MYH7B: variants seen among roughly 807,000 people sequenced by gnomAD.
MYH7B encodes myosin-7B.
MYH7B carries 205 observed loss-of-function variants against 234.5 expected under a neutral mutation model. That is an observed-to-expected ratio of 0.87 (90% CI 0.78 to 0.98). The LOEUF (loss-of-function observed/expected upper bound fraction) is 0.98, where lower values mean the gene tolerates loss of function less well. Ranked by LOEUF, MYH7B falls within the 50% of genes least tolerant of loss-of-function variation. The pLI, the probability that MYH7B is intolerant of heterozygous loss-of-function variation, is 0.00. For missense variants in MYH7B, 2,652 were observed against 2,633.4 expected (o/e 1.01, Z -0.15); for synonymous variants, 1,193 against 1,105.0 (o/e 1.08, Z -1.58).
At chr20:34,987,822 C>G in exon 18 of MYH7B, 3 of 1,614,030 alleles carry the variant, frequency 1.9e-6, no homozygotes, top group South Asian at 2.2e-5. Context: ...GTTCAGGTGG[C>G]TGGTGTCTCG....
chr20:34,984,336 G>A (rs959534330), intron 10 of MYH7B, among the ~76,000 whole-genome samples: 2 of 152,156 alleles, frequency 1.3e-5, no homozygotes, highest in Non-Finnish European at 2.9e-5. Flanking sequence ...AGAGGAGGGG[G>A]CACTTGGGCT....
chr20:34,999,753 C>A (rs749277229), intron 37 of MYH7B, 38 bp from the exon 38 acceptor site: 10 of 1,010,346 alleles, frequency 9.9e-6, no homozygotes, highest in African/African-American at 6.7e-5. Context: ...CTGGCCATCC[C>A]CCCCCCCCAC....
At position 34,999,600 on chromosome 20, in the gene MYH7B, AG is replaced by A; in HGVS notation, c.4571del (p.Ser1524IlefsTer70). ...GATCAGCGACCTCACAGACCAGGTG[AG>A]TCTCAGTGGGAAGAGCATCCAGGAA... On this transcript the variant is annotated frameshift_variant, in exon 37 of 45. Coordinates refer to ENST00000262873, the Ensembl canonical transcript of MYH7B. LOFTEE classifies it high-confidence loss of function. 6.2e-7 allele frequency: 1 copy of A among 1,612,932 alleles called. No homozygotes were observed. The highest frequency in any genetic ancestry group is 8.5e-7 in the Non-Finnish European group (1 of 1,179,432).
At chr20:34,998,574 C>T in exon 34 of MYH7B, 1 of 1,613,606 alleles carries the variant, frequency 6.2e-7, no homozygotes, top group Non-Finnish European at 8.5e-7. Flanking sequence ...CGTGGAAAGG[C>T]CCTGGCCGCC....
At chr20:34,998,765 G>A in exon 35 of MYH7B, 1 of 1,612,946 alleles carries the variant, frequency 6.2e-7, no homozygotes, top group Non-Finnish European at 8.5e-7. Flanking sequence ...CGGCACGACT[G>A]TGACCTCCTG....
intron 37 of MYH7B, 36 bp from the exon 38 acceptor site, chr20:34,999,755 C>CA (rs1319011448): frequency 7.7e-7 from 1 of 1,296,346 alleles, no homozygotes. Context: ...GGCCATCCCC[C>CA]CCCCCCACCC....
exon 2 of MYH7B, among the ~76,000 whole-genome samples, chr20:34,958,202 C>G (rs2081659629): frequency 6.6e-6 from 1 of 152,170 alleles, no homozygotes; most frequent in Non-Finnish European, 1.5e-5. Context: ...AAACCTCTCA[C>G]AATGTGGCAG....
intron 33 of MYH7B, 24 bp from the exon 34 acceptor site, chr20:34,998,487 G>A (rs1185638248): frequency 6.2e-7 from 1 of 1,612,638 alleles, no homozygotes; most frequent in African/African-American, 1.3e-5. Flanking sequence ...AGCCTGACCT[G>A]TCCGCTCGCC....
rs746891755 is a variant in MYH7B at position 34,996,520 on chromosome 20, GAC to G, written c.3119_3120del (p.Asp1040AlafsTer25). Reference sequence around the variant, plus strand: ...GCTCCGGCTGGAGCAACAGGTGGAGGACGTGAGTCAGGGCCACCCCGAGACTG... The same window carrying G: ...GCTCCGGCTGGAGCAACAGGTGGAGGGTGAGTCAGGGCCACCCCGAGACTG... On this transcript the variant is annotated frameshift_variant and splice_region_variant, in exon 29 of 45. Transcript: ENST00000262873. LOFTEE classifies it high-confidence loss of function. The G allele has an allele frequency of 6.2e-7, 1 of 1,610,234 alleles. No homozygotes were observed. Among genetic ancestry groups the G allele is most frequent in the South Asian group, 1.1e-5 (1 of 90,918 alleles).
chr20:34,960,427 G>A (rs868641576), intron 2 of MYH7B, among the ~76,000 whole-genome samples: 13 of 152,106 alleles, frequency 8.5e-5, no homozygotes, highest in Admixed American at 3.3e-4. Context: ...AGTAGAGATG[G>A]GGTTTCACCG....
At chr20:34,956,620 G>A (rs1389288037) in intron 1 of MYH7B, among the ~76,000 whole-genome samples, 3 of 152,208 alleles carry the variant, frequency 2.0e-5, no homozygotes, top group Non-Finnish European at 4.4e-5. Flanking sequence ...GATAAGATAG[G>A]CAATAAACTG....
At chr20:34,973,325 A>G (rs2081809888) in intron 2 of MYH7B, among the ~76,000 whole-genome samples, 1 of 152,182 alleles carries the variant, frequency 6.6e-6, no homozygotes, top group Admixed American at 6.5e-5. Flanking sequence ...TTCCTTGAGT[A>G]TCTTTCCTTT....
intron 24 of MYH7B, among the ~76,000 whole-genome samples, chr20:34,991,526 C>T (rs1158633493): frequency 1.3e-5 from 2 of 152,138 alleles, no homozygotes; most frequent in Non-Finnish European, 2.9e-5. Flanking sequence ...TTGCGTGTAT[C>T]AGGTTTGAAA....
rs145198032 is a variant in MYH7B at position 34,993,593 on chromosome 20, G to A, written c.2444+123G>A. On this transcript the variant is annotated intron_variant, in intron 26 of 44. Coordinates refer to ENST00000262873, the Ensembl canonical transcript of MYH7B. The stretch of plus-strand genomic sequence containing the variant: ...AGATCAGCCCCTGTGGCTGGTTGGG[G>A]CAAGGTTCTGTTCTGTGTCCCCCAG... 1.5e-3 allele frequency: 1,749 copies of A among 1,156,416 alleles called. 23 individuals carry two copies. In the African/African-American group the frequency reaches 0.023, roughly 15 times the overall value. 71.6% of individuals were successfully genotyped at this position (1,156,416 alleles called of 1,614,324 possible).
chr20:34,996,431 A>T, exon 29 of MYH7B: 3 of 1,613,498 alleles, frequency 1.9e-6, no homozygotes, highest in Non-Finnish European at 2.5e-6. Flanking sequence ...CAGGAGGCCC[A>T]CCAACAGGCC....
In MYH7B at chr20:34,985,242, C is replaced by G. The variant is rs534648061; in HGVS notation, c.805+113C>G. On this transcript the variant is annotated intron_variant, in intron 13 of 44. Transcript: ENST00000262873. Reference sequence around the variant, plus strand: ...TCCTGCCTGCTCTGGGCACTTCTCTCTACCCCCTGGCTGCTGCCCAGCTCA... The same window carrying G: ...TCCTGCCTGCTCTGGGCACTTCTCTGTACCCCCTGGCTGCTGCCCAGCTCA... The G allele has an allele frequency of 1.3e-4, 133 of 1,003,804 alleles. No individual in the cohort carries two copies. The African/African-American group carries it at 1.8e-3, about 13-fold the overall frequency. 62.2% of individuals were successfully genotyped at this position (1,003,804 alleles called of 1,614,324 possible).
At chr20:34,988,328 T>G in intron 19 of MYH7B, 66 bp downstream of exon 19, 1 of 1,532,822 alleles carries the variant, frequency 6.5e-7, no homozygotes, top group Admixed American at 1.8e-5. Flanking sequence ...CAGGGATGGA[T>G]GACCATGGCT....
At chr20:34,959,147 G>A (rs1039263972) in intron 2 of MYH7B, among the ~76,000 whole-genome samples, 1 of 152,306 alleles carries the variant, frequency 6.6e-6, no homozygotes, top group East Asian at 1.9e-4. Context: ...CTATAGACTC[G>A]TCTGAGATCC....
At chr20:34,977,714 G>A in intron 4 of MYH7B, 34 bp downstream of exon 4, 2 of 1,508,892 alleles carry the variant, frequency 1.3e-6, no homozygotes, top group Non-Finnish European at 1.8e-6. Flanking sequence ...GAGCCGAAGG[G>A]AGGGCAGGAG....
Sources: gnomAD v4.1 joint callset for allele counts (sites outside exome capture counted in the v4.1 genomes callset) on GRCh38, gnomAD v4.1.1 for gene constraint, MANE v1.5 for transcripts, NCBI Gene and HGNC (gene_info 2026-07-23, HGNC 2026-07-21) for gene names.